The following TTLL3 variants were observed in gnomAD, a reference collection of about 807,000 sequenced individuals.
The protein encoded by TTLL3 is tubulin tyrosine ligase like 3, also known as tubulin monoglycylase TTLL3.
Under a neutral mutation model 75.2 loss-of-function variants are expected in TTLL3, and 63 were observed. The observed-to-expected ratio is 0.84, with a 90% confidence interval of 0.68 to 1.03. TTLL3 has a LOEUF of 1.03. Among genes scored for constraint, TTLL3 ranks in the 50% least tolerant of loss-of-function variants. TTLL3 has a pLI of 0.00. For missense variants in TTLL3, 997 were observed against 1,069.9 expected, an observed-to-expected ratio of 0.93 and a Z score of 0.95; for synonymous variants, 393 against 418.5, an observed-to-expected ratio of 0.94 and a Z score of 0.74.
upstream of TTLL3, chr3:9,809,993 G>A: frequency 1.5e-6 from 2 of 1,293,760 alleles, no homozygotes; most frequent in South Asian, 2.4e-5. Context: ...GAGGGCGAGC[G>A]CGGCGAGGGG....
intron 10 of TTLL3, chr3:9,828,726 G>C (rs576001206): frequency 1.7e-6 from 1 of 581,280 alleles, no homozygotes; most frequent in East Asian, 2.9e-5. Flanking sequence ...TTACTACTGC[G>C]GCCCCCGTAA....
In TTLL3 at chr3:9,834,864, A is replaced by T; in HGVS notation, c.2009A>T (p.Asn670Ile). 1 of 1,614,144 alleles carries T rather than the reference A, an allele frequency of 6.2e-7. No individual in the cohort carries two copies. The highest frequency in any genetic ancestry group is 8.5e-7 in the Non-Finnish European group (1 of 1,180,016). Residue 670 changes from asparagine to isoleucine, a missense_variant, in exon 13 of 14, where the codon AAC becomes ATC. Coordinates refer to ENST00000685419, the MANE Select transcript of TTLL3 (RefSeq NM_001387446.1). Reference sequence around the variant, plus strand: ...AAGGTCTTCATTTCCCTCCCACCGAACCTTGATTTCAAGGTGGCACCCAGC... The same window carrying T: ...AAGGTCTTCATTTCCCTCCCACCGATCCTTGATTTCAAGGTGGCACCCAGC... ...TAKVFISLPP[N>I]LDFKVAPSIL...
intron 8 of TTLL3, among the ~76,000 whole-genome samples, chr3:9,822,062 CTTTTTTTTTTT>C (rs1201552537): frequency 1.3e-5 from 1 of 75,358 alleles, no homozygotes; most frequent in African/African-American, 5.1e-5. Context: ...GCACGAGTCC[CTTTTTTTTTTT>C]TTTTTTTTTT....
Position 9,818,814 on chromosome 3 carries a change from G to C in TTLL3, c.560-8G>C. 6.2e-7 allele frequency: 1 copy of C among 1,614,072 alleles called. No individual in the cohort carries two copies. The highest frequency in any genetic ancestry group is 8.5e-7 in the Non-Finnish European group (1 of 1,180,018). On this transcript the variant is annotated splice_region_variant and splice_polypyrimidine_tract_variant and intron_variant, in intron 6 of 13. Transcript: ENST00000685419. ...GGCTGAGCAGGGTATCCCCTGGCCT[G>C]GGAGCAGAGGACTTCTGGCTGACTG...
intron 8 of TTLL3, among the ~76,000 whole-genome samples, chr3:9,822,303 G>A (rs1360907375): frequency 1.3e-5 from 2 of 151,620 alleles, no homozygotes; most frequent in African/African-American, 2.4e-5. Context: ...TCCTGACCTC[G>A]TGATCCGCCC....
intron 12 of TTLL3, 119 bp from the exon 13 acceptor site, chr3:9,834,562 C>A (rs1264712778): frequency 3.4e-6 from 5 of 1,479,196 alleles, no homozygotes; most frequent in African/African-American, 1.4e-5. Context: ...ACCGGGAGGG[C>A]TCCGTCGGCC....
At chr3:9,832,532 C>G (rs1259261942) in intron 11 of TTLL3, among the ~76,000 whole-genome samples, 1 of 152,216 alleles carries the variant, frequency 6.6e-6, no homozygotes. Context: ...CAGCTGAGGG[C>G]AGGACATACA....
chr3:9,831,699 T>C (rs1425369475), intron 11 of TTLL3, among the ~76,000 whole-genome samples: 1 of 152,242 alleles, frequency 6.6e-6, no homozygotes, highest in Non-Finnish European at 1.5e-5. Context: ...ATTCTGTTGT[T>C]CCTTCTGCAT....
At chr3:9,819,565 A>G (rs2080222555) in intron 7 of TTLL3, 2 of 986,360 alleles carry the variant, frequency 2.0e-6, no homozygotes, top group Admixed American at 6.1e-5. Context: ...AGAACAGCTT[A>G]GGCCTGAACA....
chr3:9,820,881 C>T (rs1003411491), intron 8 of TTLL3, 140 bp downstream of exon 8: 16 of 1,378,542 alleles, frequency 1.2e-5, no homozygotes, highest in Non-Finnish European at 1.5e-5. Flanking sequence ...CTCGAGGACT[C>T]CCACTGCCTC....
chr3:9,819,933 T>A (rs1006463301), intron 7 of TTLL3: 1 of 985,660 alleles, frequency 1.0e-6, no homozygotes, highest in African/African-American at 1.7e-5. Context: ...AGGGCCTCAG[T>A]TGTATATCAG....
chr3:9,819,486 C>A, intron 7 of TTLL3: 1 of 991,408 alleles, frequency 1.0e-6, no homozygotes, highest in Non-Finnish European at 1.2e-6. Flanking sequence ...CATGGTCCGT[C>A]CCTGCCTGTG....
intron 8 of TTLL3, among the ~76,000 whole-genome samples, chr3:9,823,402 G>GTTTTTTTTTTTTTTTTTT (rs60013146): frequency 8.0e-6 from 1 of 124,994 alleles, no homozygotes. Context: ...CAAACAGCCA[G>GTTTTTTTTTTTTTTTTTT]TTTTTTTTTT....
chr3:9,823,628 AG>A lies in TTLL3; in HGVS notation c.855-2171del, dbSNP rs1429288209. Among the ~76,000 whole-genome samples, 4 of 152,142 alleles carry A rather than the reference AG, an allele frequency of 2.6e-5. 1 individual carries two copies. In the South Asian group the frequency reaches 8.3e-4, roughly 32 times the overall value. ...TACTTCATGCTACGGACCACAGAAA[AG>A]TTTGTCAGGACATAGGTGTGAGTAC... On this transcript the variant is annotated intron_variant, in intron 8 of 13. Coordinates refer to ENST00000685419, the MANE Select transcript of TTLL3 (RefSeq NM_001387446.1).
intron 4 of TTLL3, among the ~76,000 whole-genome samples, chr3:9,814,665 AC>A (rs1315554366): frequency 1.3e-5 from 2 of 151,528 alleles, no homozygotes; most frequent in Non-Finnish European, 2.9e-5. Flanking sequence ...AAATAAAAAT[AC>A]AAAAATTAGC....
chr3:9,819,265 C>T (rs1270238241), intron 7 of TTLL3: 1 of 274,854 alleles, frequency 3.6e-6, no homozygotes, highest in Admixed American at 4.8e-5. Flanking sequence ...ACCTATCCTT[C>T]CACAGATCCA....
At position 9,812,978 on chromosome 3, in the gene TTLL3, G is replaced by A. The variant is rs370053969; in HGVS notation, c.84G>A (p.Pro28=). The change falls in exon 3 of 14, where the codon CCG becomes CCA. Residue 28 remains proline, a synonymous_variant. Coordinates refer to ENST00000685419, the MANE Select transcript of TTLL3 (RefSeq NM_001387446.1). ...TCTTTACAATCCAAGGCTGCTACCC[G>A]GTGATCCGGTGTCTCTTGCGCCGGA... is the stretch of plus-strand genomic sequence containing the variant. The part of the protein sequence containing the change: ...KKIFTIQGCY[P]VIRCLLRRRG... The A allele has an allele frequency of 1.2e-4, 191 of 1,532,198 alleles. 1 individual carries two copies. The highest frequency in any genetic ancestry group is 1.2e-3 in the Middle Eastern group (7 of 5,700). 94.9% of individuals were successfully genotyped at this position (1,532,198 alleles called of 1,614,324 possible). A position where few individuals can be genotyped will look rare whatever the true frequency, so the allele number is the denominator to read the frequency against.
In TTLL3 at chr3:9,827,263, C is replaced by G. The variant is rs771462962; in HGVS notation, c.1247+23C>G. ...CAAGTGAGCCCCTCTGCTCGCCTCC[C>G]ACGAGCTCCCTGCCTAGTTGGGGAG... On this transcript the variant is annotated intron_variant, in intron 10 of 13. Coordinates refer to ENST00000685419, the MANE Select transcript of TTLL3 (RefSeq NM_001387446.1). The G allele has an allele frequency of 4.3e-6, 7 of 1,609,448 alleles. No individual in the cohort carries two copies. In the South Asian group the frequency reaches 5.5e-5, roughly 13 times the overall value.
At chr3:9,822,062 CT>C (rs1201552537) in intron 8 of TTLL3, among the ~76,000 whole-genome samples, 924 of 75,190 alleles carry the variant, frequency 0.012, 6 homozygotes, top group African/African-American at 0.037. Flanking sequence ...GCACGAGTCC[CT>C]TTTTTTTTTT....
Sources: gnomAD v4.1 joint callset for allele counts (sites outside exome capture counted in the v4.1 genomes callset) on GRCh38, gnomAD v4.1.1 for gene constraint, MANE v1.5 for transcripts, NCBI Gene and HGNC (gene_info 2026-07-23, HGNC 2026-07-21) for gene names.